Variants in ADCY1 observed in about 807,000 individuals in gnomAD.
ADCY1 encodes adenylate cyclase type 1.
ADCY1 carries 28 observed loss-of-function variants against 105.4 expected under a neutral mutation model. The ratio of observed to expected loss-of-function variants is 0.27; its 90% CI spans 0.20 to 0.36. The LOEUF (loss-of-function observed/expected upper bound fraction) is 0.36, where lower values mean the gene tolerates loss of function less well. Among genes scored for constraint, ADCY1 ranks in the 10% least tolerant of loss-of-function variants. The pLI is 1.00. For missense variants in ADCY1, 977 were observed against 1,434.2 expected (o/e 0.68, Z 5.15); for synonymous variants, 655 against 623.8 (o/e 1.05, Z -0.75).
intron 4 of ADCY1, among the ~76,000 whole-genome samples, chr7:45,646,557 C>T (rs1794670442): frequency 6.6e-6 from 1 of 152,196 alleles, no homozygotes; most frequent in Non-Finnish European, 1.5e-5. Context: ...ACTGGTCCTC[C>T]AAGCAGGCAT....
At chr7:45,576,051 G>C (rs1562668687) in intron 1 of ADCY1, among the ~76,000 whole-genome samples, 1 of 152,160 alleles carries the variant, frequency 6.6e-6, no homozygotes, top group Non-Finnish European at 1.5e-5. Flanking sequence ...TGGGGAGTTG[G>C]GGGGTGGGGA....
At chr7:45,709,937 G>A (rs573638981) in intron 18 of ADCY1, among the ~76,000 whole-genome samples, 2 of 152,316 alleles carry the variant, frequency 1.3e-5, no homozygotes, top group African/African-American at 4.8e-5. Flanking sequence ...GGGTTGTCAC[G>A]ATGCTGTCCA....
chr7:45,575,154 C>T lies in ADCY1; in HGVS notation c.611C>T (p.Pro204Leu). 6.2e-7 allele frequency: 1 copy of T among 1,607,742 alleles called. No homozygotes were observed. Among genetic ancestry groups the T allele is most frequent in the Non-Finnish European group, 8.5e-7 (1 of 1,177,422 alleles). Residue 204 changes from proline (P) to leucine (L), a missense_variant, in exon 1 of 20, where the codon CCC becomes CTC. Around this residue, in one of 7 missense-constraint regions of ADCY1, gnomAD observed 196 missense variants for 347.8 expected, o/e 0.56. Coordinates refer to ENST00000297323, the MANE Select transcript of ADCY1 (RefSeq NM_021116.4). This position sits in a 1 kb window ranked among gnomAD's most constrained non-coding sequence, Gnocchi z 4.7. The stretch of plus-strand genomic sequence containing the variant: ...TTGCTGGTCACAGCCACCTTGGTCC[C>T]CGCCAAGCGCCCACGTCTCTGGAGG... Reference protein sequence around the residue: ...SHLLVTATLVPAKRPRLWRTL... With the variant: ...SHLLVTATLVLAKRPRLWRTL...
chr7:45,676,402 G>T (rs1026823914), intron 8 of ADCY1, among the ~76,000 whole-genome samples: 1 of 151,954 alleles, frequency 6.6e-6, no homozygotes, highest in East Asian at 1.9e-4. Flanking sequence ...ATTTTTTAAG[G>T]CTTGATATTA....
At chr7:45,605,597 T>C (rs554453989) in intron 2 of ADCY1, among the ~76,000 whole-genome samples, 1 of 152,196 alleles carries the variant, frequency 6.6e-6, no homozygotes, top group African/African-American at 2.4e-5. Context: ...CATGGTGTGT[T>C]GCACTGATTG....
chr7:45,679,598 C>T, intron 10 of ADCY1, 111 bp from the exon 11 acceptor site: 1 of 1,037,184 alleles, frequency 9.6e-7, no homozygotes, highest in Non-Finnish European at 1.5e-6. Context: ...GATGCTGCTT[C>T]CTCCTGAGAG....
intron 14 of ADCY1, among the ~76,000 whole-genome samples, chr7:45,697,540 G>A (rs568419947): frequency 1.3e-5 from 2 of 152,090 alleles, no homozygotes; most frequent in Non-Finnish European, 1.5e-5. Flanking sequence ...ACAGGCATGC[G>A]CCACCACGCC....
At chr7:45,599,632 GTTT>G (rs113156682) in intron 2 of ADCY1, among the ~76,000 whole-genome samples, 1 of 141,772 alleles carries the variant, frequency 7.1e-6, no homozygotes, top group Non-Finnish European at 1.5e-5. Flanking sequence ...TGCCATATCT[GTTT>G]TTTTTTTTTG....
Position 45,716,219 on chromosome 7 carries a change from T to C in ADCY1, c.*2224T>C, listed in dbSNP as rs1258030925. Reference sequence around the variant, plus strand: ...GGACATCCACAGGACCTAATGTTTATGTGGAATCTCCAGGCTGCCATCGAG... The same window carrying C: ...GGACATCCACAGGACCTAATGTTTACGTGGAATCTCCAGGCTGCCATCGAG... On this transcript the variant is annotated 3_prime_UTR_variant, in exon 20 of 20. Transcript: ENST00000297323. 3 of 152,300 alleles carry C rather than the reference T, an allele frequency of 2.0e-5. No homozygotes were observed. Among genetic ancestry groups the C allele is most frequent in the African/African-American group, 7.2e-5 (3 of 41,418 alleles). The allele number at this position is 152,300 out of a possible 1,614,324, so 9.4% of individuals were successfully genotyped here.
chr7:45,642,721 G>A (rs143294679), intron 4 of ADCY1, among the ~76,000 whole-genome samples: 31 of 152,214 alleles, frequency 2.0e-4, no homozygotes, highest in African/African-American at 6.0e-4. Flanking sequence ...ATGGTGGAGC[G>A]GTTATCAGTG....
intron 2 of ADCY1, among the ~76,000 whole-genome samples, chr7:45,596,534 C>T (rs2115797746): frequency 6.6e-6 from 1 of 152,244 alleles, no homozygotes; most frequent in South Asian, 2.1e-4. Context: ...CTAGAGGGGA[C>T]ACAACCCAGT....
At position 45,663,699 on chromosome 7, in the gene ADCY1, G is replaced by T. The variant is rs1009765130; in HGVS notation, c.1605+1485G>T. ...CCGGGCGTGGTGGCACATGCCTGTA[G>T]TCCCAGCTACTCTGGAGGCTGAGGC... On this transcript the variant is annotated intron_variant, in intron 8 of 19. Coordinates refer to ENST00000297323, the MANE Select transcript of ADCY1 (RefSeq NM_021116.4). Among the ~76,000 whole-genome samples, 6 of 152,180 alleles carry T rather than the reference G, an allele frequency of 3.9e-5. No homozygotes were observed. The East Asian group carries it at 1.2e-3, about 29-fold the overall frequency.
intron 5 of ADCY1, among the ~76,000 whole-genome samples, chr7:45,655,004 T>C (rs1794900730): frequency 6.6e-6 from 1 of 152,180 alleles, no homozygotes; most frequent in Non-Finnish European, 1.5e-5. Flanking sequence ...GTTGTTGTTA[T>C]TTCTAGAAAT....
At position 45,708,737 on chromosome 7, in the gene ADCY1, T is replaced by TC. The variant is rs955440127; in HGVS notation, c.2932+275dup. On this transcript the variant is annotated intron_variant, in intron 18 of 19. Coordinates refer to ENST00000297323, the MANE Select transcript of ADCY1 (RefSeq NM_021116.4). The surrounding 1 kb of genome is among the most constrained non-coding windows in gnomAD (Gnocchi z 4.7). ...TGTCCTGGAGACGTTCAGATGCTCC[T>TC]CCAAGTCCACACTTAGCTGAAGTAA... 5.3e-5 allele frequency among the ~76,000 whole-genome samples: 8 copies of TC among 152,338 alleles called. No individual in the cohort carries two copies. In the East Asian group the frequency reaches 7.7e-4, roughly 15 times the overall value.
intron 3 of ADCY1, among the ~76,000 whole-genome samples, chr7:45,614,180 A>G (rs180710569): frequency 1.1e-4 from 16 of 152,338 alleles, no homozygotes; most frequent in Non-Finnish European, 2.1e-4. Flanking sequence ...TAAGAAAACA[A>G]AAGTATTAAA....
At position 45,714,061 on chromosome 7, in the gene ADCY1, G is replaced by C. The variant is rs1005162628; in HGVS notation, c.*66G>C. 26 of 683,452 alleles carry C rather than the reference G, an allele frequency of 3.8e-5. 1 individual carries two copies. The highest frequency in any genetic ancestry group is 2.8e-4 in the South Asian group (17 of 60,340). The allele number at this position is 683,452 out of a possible 1,614,324, so 42.3% of individuals were successfully genotyped here. A position where few individuals can be genotyped will look rare whatever the true frequency, so the allele number is the denominator to read the frequency against. ...ATGCTCCGGGGGTGACACAGGCCACGGTGGCTCCAGCCAGGACCAGCCAGA... is the reference window on the plus strand; with the variant it reads ...ATGCTCCGGGGGTGACACAGGCCACCGTGGCTCCAGCCAGGACCAGCCAGA... On this transcript the variant is annotated 3_prime_UTR_variant, in exon 20 of 20. Coordinates refer to ENST00000297323, the MANE Select transcript of ADCY1 (RefSeq NM_021116.4).
At chr7:45,676,566 T>C (rs554274840) in intron 8 of ADCY1, among the ~76,000 whole-genome samples, 1 of 152,324 alleles carries the variant, frequency 6.6e-6, no homozygotes, top group South Asian at 2.1e-4. Flanking sequence ...TTATCCTCCA[T>C]GACAGCCTGG....
At chr7:45,700,330 G>T (rs916836629) in intron 14 of ADCY1, among the ~76,000 whole-genome samples, 11 of 152,162 alleles carry the variant, frequency 7.2e-5, no homozygotes, top group Admixed American at 5.9e-4. Flanking sequence ...CGGTGGCATG[G>T]GTCACAGAGT....
At chr7:45,598,924 T>C (rs1793146691) in intron 2 of ADCY1, among the ~76,000 whole-genome samples, 1 of 152,196 alleles carries the variant, frequency 6.6e-6, no homozygotes, top group African/African-American at 2.4e-5. Context: ...TTCTCAGTCT[T>C]GTTTTCATTA....
Sources: gnomAD v4.1 joint callset for allele counts (sites outside exome capture counted in the v4.1 genomes callset) on GRCh38, gnomAD v4.1.1 for gene constraint, gnomAD v4.1.1 regional missense constraint, Gnocchi (gnomAD v3.1) non-coding constraint, MANE v1.5 for transcripts, NCBI Gene and HGNC (gene_info 2026-07-23, HGNC 2026-07-21) for gene names.